CSMD1: variants seen among roughly 807,000 people sequenced by gnomAD.
CSMD1 encodes the protein CUB and Sushi multiple domains 1.
Under a neutral mutation model 417.5 loss-of-function variants are expected in CSMD1, and 213 were observed. The observed-to-expected ratio is 0.51, with a 90% CI of 0.46 to 0.57. The LOEUF (loss-of-function observed/expected upper bound fraction) is 0.57, where lower values mean the gene tolerates loss of function less well. Ranked by LOEUF, CSMD1 falls within the 20% of genes least tolerant of loss-of-function variation. CSMD1 has a pLI of 0.00. For missense variants in CSMD1, 6,923 were observed against 4,529.7 expected (o/e 1.53, Z -15.17); for synonymous variants, 2,862 against 1,736.8 (o/e 1.65, Z -16.11).
chr8:4,627,915 G>A (rs899839073), intron 2 of CSMD1, among the ~76,000 whole-genome samples: 4 of 151,978 alleles, frequency 2.6e-5, no homozygotes, highest in African/African-American at 7.2e-5. Context: ...GAGATATCCT[G>A]TCCACTGCAG....
At chr8:3,786,444 G>A (rs964318462) in intron 5 of CSMD1, among the ~76,000 whole-genome samples, 4 of 152,210 alleles carry the variant, frequency 2.6e-5, no homozygotes, top group East Asian at 1.9e-4. Flanking sequence ...GAAAGCATCT[G>A]TAAAGCCATA....
At chr8:3,667,359 G>C in intron 7 of CSMD1, among the ~76,000 whole-genome samples, 1 of 152,100 alleles carries the variant, frequency 6.6e-6, no homozygotes, top group East Asian at 1.9e-4. Context: ...GGATGTCATG[G>C]AGATGACATT....
chr8:4,028,426 G>C (rs575681761), intron 4 of CSMD1, among the ~76,000 whole-genome samples: 2 of 152,112 alleles, frequency 1.3e-5, no homozygotes, highest in East Asian at 3.9e-4. Context: ...GGTAGTAGTA[G>C]CAGTCATCGC....
At chr8:4,374,844 T>C (rs989699920) in intron 3 of CSMD1, among the ~76,000 whole-genome samples, 2 of 150,932 alleles carry the variant, frequency 1.3e-5, no homozygotes, top group Non-Finnish European at 2.9e-5. Context: ...TAGAGTGAAT[T>C]TAAAGAACCT....
intron 3 of CSMD1, among the ~76,000 whole-genome samples, chr8:4,181,248 C>G (rs1427935786): frequency 6.6e-6 from 1 of 152,118 alleles, no homozygotes; most frequent in African/African-American, 2.4e-5. Flanking sequence ...ATAGCCATAC[C>G]ACCCTGAACG....
chr8:4,192,983 A>T (rs1032927991), intron 3 of CSMD1, among the ~76,000 whole-genome samples: 2 of 152,234 alleles, frequency 1.3e-5, no homozygotes, highest in African/African-American at 4.8e-5. Flanking sequence ...AGTGTTTTGC[A>T]AATCAAATGC....
chr8:4,895,022 C>G (rs1804383796), intron 1 of CSMD1, among the ~76,000 whole-genome samples: 1 of 152,104 alleles, frequency 6.6e-6, no homozygotes, highest in Admixed American at 6.6e-5. Flanking sequence ...TTCTCTTGAC[C>G]TGAGTTTTTT....
At chr8:3,706,336 G>A (rs902739593) in intron 7 of CSMD1, among the ~76,000 whole-genome samples, 4 of 152,294 alleles carry the variant, frequency 2.6e-5, no homozygotes, top group South Asian at 2.1e-4. Context: ...CTTGCCTGTC[G>A]CTTCAAACCC....
At chr8:4,685,392 G>A (rs1188463524) in intron 1 of CSMD1, among the ~76,000 whole-genome samples, 1 of 151,912 alleles carries the variant, frequency 6.6e-6, no homozygotes, top group African/African-American at 2.4e-5. Flanking sequence ...TGGCCAACAT[G>A]GCAAAACCCC....
At chr8:3,120,705 G>GGT (rs1554431367) in intron 41 of CSMD1, among the ~76,000 whole-genome samples, 1 of 114,348 alleles carries the variant, frequency 8.7e-6, no homozygotes, top group African/African-American at 5.0e-5. Flanking sequence ...AAATTAGCCA[G>GGT]GGGGGGTGAC....
At chr8:4,305,597 T>C (rs1170006538) in intron 3 of CSMD1, among the ~76,000 whole-genome samples, 2 of 152,150 alleles carry the variant, frequency 1.3e-5, no homozygotes, top group East Asian at 3.8e-4. Flanking sequence ...AAATTAACCT[T>C]TCAATACAGA....
intron 5 of CSMD1, among the ~76,000 whole-genome samples, chr8:3,886,972 T>A (rs1187976840): frequency 6.6e-6 from 1 of 152,164 alleles, no homozygotes; most frequent in Non-Finnish European, 1.5e-5. Flanking sequence ...GATAAATGCA[T>A]TATGAACACT....
intron 4 of CSMD1, among the ~76,000 whole-genome samples, chr8:3,999,365 T>C (rs887099066): frequency 6.6e-6 from 1 of 152,172 alleles, no homozygotes; most frequent in East Asian, 1.9e-4. Flanking sequence ...TCCACCAAAA[T>C]TATACCGAAG....
At chr8:3,699,678 A>T (rs984946889) in intron 7 of CSMD1, among the ~76,000 whole-genome samples, 1 of 152,230 alleles carries the variant, frequency 6.6e-6, no homozygotes, top group Non-Finnish European at 1.5e-5. Context: ...TGGTGATCTG[A>T]AACACTATAA....
intron 3 of CSMD1, among the ~76,000 whole-genome samples, chr8:4,151,644 T>C (rs1017081193): frequency 2.6e-5 from 4 of 152,158 alleles, no homozygotes; most frequent in Admixed American, 6.5e-5. Flanking sequence ...CAAGAATCTG[T>C]GGCATCATTA....
intron 7 of CSMD1, among the ~76,000 whole-genome samples, chr8:3,662,031 G>T (rs189658386): frequency 6.6e-6 from 1 of 152,120 alleles, no homozygotes; most frequent in South Asian, 2.1e-4. Context: ...ATTTTTACTC[G>T]AAGTCGTAGA....
At chr8:4,142,991 GA>G (rs1554468016) in intron 3 of CSMD1, among the ~76,000 whole-genome samples, 2,121 of 120,688 alleles carry the variant, frequency 0.018, 77 homozygotes, top group Admixed American at 0.05. Flanking sequence ...CAAACTGATT[GA>G]AAAAAAAAAA....
At chr8:4,773,627 C>T (rs1473356248) in intron 1 of CSMD1, among the ~76,000 whole-genome samples, 1 of 152,110 alleles carries the variant, frequency 6.6e-6, no homozygotes, top group African/African-American at 2.4e-5. Flanking sequence ...TTGTCATCTC[C>T]TTTTGGGTTA....
At chr8:4,402,075 C>T (rs934951111) in intron 3 of CSMD1, among the ~76,000 whole-genome samples, 4 of 152,078 alleles carry the variant, frequency 2.6e-5, no homozygotes, top group East Asian at 1.9e-4. Flanking sequence ...CCCATGGCTT[C>T]CTTTGTTCTC....
Sources: gnomAD v4.1 joint callset for allele counts (sites outside exome capture counted in the v4.1 genomes callset) on GRCh38, gnomAD v4.1.1 for gene constraint, MANE v1.5 for transcripts, NCBI Gene and HGNC (gene_info 2026-07-23, HGNC 2026-07-21) for gene names.